The following CHRM3 variants were observed in gnomAD, a reference collection of about 807,000 sequenced individuals.
The protein encoded by CHRM3 is muscarinic acetylcholine receptor M3.
CHRM3 carries 11 observed loss-of-function variants against 41.8 expected under a neutral mutation model. That is an observed-to-expected ratio of 0.26 (90% CI 0.17 to 0.44). The LOEUF (loss-of-function observed/expected upper bound fraction) is 0.44, where lower values mean the gene tolerates loss of function less well. Ranked by LOEUF, CHRM3 falls within the 20% of genes least tolerant of loss-of-function variation. The pLI is 1.00. For missense variants in CHRM3, 571 were observed against 745.4 expected, an observed-to-expected ratio of 0.77 and a Z score of 2.72; for synonymous variants, 297 against 301.4, an observed-to-expected ratio of 0.99 and a Z score of 0.15.
intron 5 of CHRM3, among the ~76,000 whole-genome samples, chr1:239,724,262 C>T (rs1030591): frequency 0.041 from 6,201 of 151,928 alleles, 207 homozygotes; most frequent in African/African-American, 0.08. Context: ...GTCTAATTCT[C>T]TGTATTAGGT....
At chr1:239,406,179 C>T (rs1371221540) in intron 1 of CHRM3, among the ~76,000 whole-genome samples, 3 of 152,120 alleles carry the variant, frequency 2.0e-5, no homozygotes, top group Non-Finnish European at 4.4e-5. Flanking sequence ...CGTGAGCCAC[C>T]GTGCCTGGCT....
intron 3 of CHRM3, among the ~76,000 whole-genome samples, chr1:239,572,915 A>G (rs1436659578): frequency 2.0e-5 from 3 of 152,158 alleles, no homozygotes; most frequent in Non-Finnish European, 4.4e-5. Context: ...GATTGTTTAT[A>G]TCCCGCTTAG....
intron 6 of CHRM3, among the ~76,000 whole-genome samples, chr1:239,850,382 AC>A (rs1347107835): frequency 6.6e-6 from 1 of 152,132 alleles, no homozygotes; most frequent in African/African-American, 2.4e-5. Context: ...CTCAGGGATA[AC>A]AGAGGTGTCT....
intron 5 of CHRM3, among the ~76,000 whole-genome samples, chr1:239,740,309 C>T (rs1664725271): frequency 6.6e-6 from 1 of 151,948 alleles, no homozygotes; most frequent in African/African-American, 2.4e-5. Flanking sequence ...CCGTGAAGTG[C>T]TTTGCATAAA....
intron 2 of CHRM3, among the ~76,000 whole-genome samples, chr1:239,509,294 A>C (rs2148187928): frequency 6.6e-6 from 1 of 152,290 alleles, no homozygotes; most frequent in East Asian, 1.9e-4. Context: ...GTTTTTTTTA[A>C]ACTAGTGAGT....
intron 1 of CHRM3, among the ~76,000 whole-genome samples, chr1:239,397,488 C>G (rs985118091): frequency 2.6e-5 from 4 of 151,646 alleles, no homozygotes; most frequent in Non-Finnish European, 5.9e-5. Context: ...CTGGCTAACA[C>G]AGTGAAACCC....
intron 4 of CHRM3, among the ~76,000 whole-genome samples, chr1:239,663,348 C>A (rs1673452891): frequency 6.6e-6 from 1 of 152,104 alleles, no homozygotes. Flanking sequence ...TTGTTAAATT[C>A]CTGAGTTTCT....
At chr1:239,749,244 TCTTTGGGGAGAGGGGAGACTGA>T (rs1370430103) in intron 5 of CHRM3, among the ~76,000 whole-genome samples, 2 of 152,170 alleles carry the variant, frequency 1.3e-5, no homozygotes, top group Non-Finnish European at 2.9e-5. Context: ...GTTTTCTTTT[TCTTTGGGGAGAGGGGAGACTGA>T]CTTTGTTCGG....
chr1:239,733,331 A>C (rs1284722754), intron 5 of CHRM3, among the ~76,000 whole-genome samples: 1 of 152,088 alleles, frequency 6.6e-6, no homozygotes, highest in Non-Finnish European at 1.5e-5. Flanking sequence ...AGGGGGAAGA[A>C]GGACGCAGAG....
Position 239,858,578 on chromosome 1 carries a change from G to A in CHRM3, c.-20+31200G>A, listed in dbSNP as rs373851170. On this transcript the variant is annotated intron_variant, in intron 6 of 6. Coordinates refer to ENST00000676153, the MANE Select transcript of CHRM3 (RefSeq NM_001375978.1). Reference sequence around the variant, plus strand: ...GCCTCTTACAATTTGGGTTTTTTGCGTTTGTTTGGTTTTTTAAGGTAGAAT... The same window carrying A: ...GCCTCTTACAATTTGGGTTTTTTGCATTTGTTTGGTTTTTTAAGGTAGAAT... 1.5e-4 allele frequency among the ~76,000 whole-genome samples: 22 copies of A among 150,484 alleles called. 1 individual carries two copies. The South Asian group carries it at 2.9e-3, about 20-fold the overall frequency.
chr1:239,909,359 G>A lies in CHRM3; in HGVS notation c.*135G>A. ...CACCCAGATGTGAAAGAAGCTGCCTGTTTACTGATCCATTGAATAAACCCA... is the reference window on the plus strand; with the variant it reads ...CACCCAGATGTGAAAGAAGCTGCCTATTTACTGATCCATTGAATAAACCCA... On this transcript the variant is annotated 3_prime_UTR_variant, in exon 7 of 7. Transcript: ENST00000676153. 1 of 820,670 alleles carries A rather than the reference G, an allele frequency of 1.2e-6. No homozygotes were observed. 50.8% of individuals were successfully genotyped at this position (820,670 alleles called of 1,614,324 possible). A position where few individuals can be genotyped will look rare whatever the true frequency, so the allele number is the denominator to read the frequency against.
chr1:239,730,871 C>T (rs1308839669), intron 5 of CHRM3, among the ~76,000 whole-genome samples: 2 of 151,854 alleles, frequency 1.3e-5, no homozygotes, highest in Admixed American at 6.6e-5. Context: ...TAGGACTCTA[C>T]TGCAATGATC....
At chr1:239,845,882 A>G (rs1288528377) in intron 6 of CHRM3, among the ~76,000 whole-genome samples, 1 of 152,198 alleles carries the variant, frequency 6.6e-6, no homozygotes, top group Non-Finnish European at 1.5e-5. Flanking sequence ...TTTCCAAAGT[A>G]TCACTCTTAA....
chr1:239,868,157 T>C (rs1282493765), intron 6 of CHRM3, among the ~76,000 whole-genome samples: 5 of 152,208 alleles, frequency 3.3e-5, no homozygotes, highest in African/African-American at 1.2e-4. Flanking sequence ...GGTACTATTG[T>C]GTGGGTGAGA....
At chr1:239,860,172 T>C (rs984216798) in intron 6 of CHRM3, among the ~76,000 whole-genome samples, 2 of 152,146 alleles carry the variant, frequency 1.3e-5, no homozygotes, top group Non-Finnish European at 2.9e-5. Flanking sequence ...TCAGAGCATC[T>C]CTATTCCAAT....
At chr1:239,425,797 T>C (rs1052377527) in intron 1 of CHRM3, among the ~76,000 whole-genome samples, 9 of 152,160 alleles carry the variant, frequency 5.9e-5, no homozygotes, top group Admixed American at 5.2e-4. Context: ...TTATTTTTCA[T>C]GTAGAATTGT....
intron 5 of CHRM3, chr1:239,704,456 A>G (rs1660956671): frequency 6.6e-6 from 1 of 152,186 alleles, no homozygotes; most frequent in Non-Finnish European, 1.5e-5. Context: ...GAAGGAGATA[A>G]AACTCGAAAG....
At chr1:239,768,498 A>ACATAAGAATTAAT (rs11269870) in intron 5 of CHRM3, among the ~76,000 whole-genome samples, 2 of 11,074 alleles carry the variant, frequency 1.8e-4, no homozygotes, top group Non-Finnish European at 4.6e-4. Context: ...GAAAATAAAC[A>ACATAAGAATTAAT]TGGTGAAAAT....
chr1:239,450,099 C>T (rs968706856), intron 1 of CHRM3, among the ~76,000 whole-genome samples: 2 of 152,154 alleles, frequency 1.3e-5, no homozygotes, highest in Admixed American at 1.3e-4. Flanking sequence ...TTTGCCCTTC[C>T]TCCTCCCCGT....
Sources: gnomAD v4.1 joint callset for allele counts (sites outside exome capture counted in the v4.1 genomes callset) on GRCh38, gnomAD v4.1.1 for gene constraint, MANE v1.5 for transcripts, NCBI Gene and HGNC (gene_info 2026-07-23, HGNC 2026-07-21) for gene names.